ARHGEF28: variants seen among roughly 807,000 people sequenced by gnomAD.
ARHGEF28 encodes the protein Rho guanine nucleotide exchange factor 28, also known as 190 kDa guanine nucleotide exchange factor.
Under a neutral mutation model 206.6 loss-of-function variants are expected in ARHGEF28, and 152 were observed. That is an observed-to-expected ratio of 0.74 (90% CI 0.64 to 0.84). The LOEUF (loss-of-function observed/expected upper bound fraction) is 0.84. Ranked by LOEUF, ARHGEF28 falls within the 40% of genes least tolerant of loss-of-function variation. ARHGEF28 has a pLI of 0.00. For missense variants in ARHGEF28, 2,028 were observed against 2,073.2 expected (o/e 0.98, Z 0.42); for synonymous variants, 763 against 776.4 (o/e 0.98, Z 0.29).
intron 1 of ARHGEF28, among the ~76,000 whole-genome samples, chr5:73,639,977 T>A (rs1228385111): frequency 6.6e-6 from 1 of 152,212 alleles, no homozygotes; most frequent in Non-Finnish European, 1.5e-5. Flanking sequence ...TTTATATTCT[T>A]AACGCAGATG....
At position 73,940,911 on chromosome 5, in the gene ARHGEF28, G is replaced by A. The variant is rs1328025315; in HGVS notation, c.5016G>A (p.Gln1672=). 6.5e-6 allele frequency: 10 copies of A among 1,534,602 alleles called. No homozygotes were observed. The highest frequency in any genetic ancestry group is 8.7e-6 in the Non-Finnish European group (10 of 1,146,604). The change falls in exon 36 of 36, where the codon CAG becomes CAA. Residue 1672 remains glutamine (Q), a synonymous_variant. Transcript: ENST00000513042. ...CAAATTCACACCGCCCTCAACTGCA[G>A]GCGTTTATAACAGAAGCAAAGCTAA... ...HDSNSHRPQL[Q]AFITEAKLNL... is the part of the protein sequence containing the mutation.
intron 35 of ARHGEF28, among the ~76,000 whole-genome samples, chr5:73,917,348 T>C (rs1213767728): frequency 1.3e-5 from 2 of 152,246 alleles, no homozygotes; most frequent in Non-Finnish European, 2.9e-5. Context: ...CTCTTGGTAA[T>C]CTATATCATG....
chr5:73,729,641 G>C (rs1750486775), intron 2 of ARHGEF28, among the ~76,000 whole-genome samples: 1 of 152,130 alleles, frequency 6.6e-6, no homozygotes, highest in African/African-American at 2.4e-5. Flanking sequence ...GATTTCTCAA[G>C]TTTATTTAGT....
chr5:73,676,068 T>G (rs1266929116), intron 1 of ARHGEF28, among the ~76,000 whole-genome samples: 1 of 109,456 alleles, frequency 9.1e-6, no homozygotes, highest in East Asian at 3.0e-4. Context: ...GATTTTCTTT[T>G]CTTTTTTTTT....
chr5:73,794,366 C>T (rs1389758996), intron 7 of ARHGEF28, 36 bp from the exon 8 acceptor site: 11 of 1,535,586 alleles, frequency 7.2e-6, no homozygotes, highest in Non-Finnish European at 9.8e-6. Context: ...AACAAAAGCT[C>T]CCATCAGCAG....
Position 73,887,654 on chromosome 5 carries a change from A to G in ARHGEF28, c.3362A>G (p.Asp1121Gly). 1.3e-6 allele frequency: 2 copies of G among 1,573,824 alleles called. No homozygotes were observed. Among genetic ancestry groups the G allele is most frequent in the Non-Finnish European group, 1.7e-6 (2 of 1,157,910 alleles). ...TDVLLFLQEK[D>G]QKYIFAAVDQ... ...GTGCTGCTCTTTTTACAAGAAAAAG[A>G]CCAGAAATACATCTTTGCAGCCGTT... The change falls in exon 26 of 36, where the codon GAC becomes GGC. Residue 1121 changes from aspartate (D) to glycine (G), a missense_variant. Transcript: ENST00000513042.
intron 30 of ARHGEF28, chr5:73,900,969 A>G: frequency 2.2e-6 from 1 of 457,600 alleles, no homozygotes; most frequent in Non-Finnish European, 4.0e-6. Flanking sequence ...GCGGTTCGTC[A>G]GTTGCTGTCT....
intron 1 of ARHGEF28, among the ~76,000 whole-genome samples, chr5:73,643,427 C>T (rs1744244557): frequency 6.6e-6 from 1 of 151,898 alleles, no homozygotes; most frequent in African/African-American, 2.4e-5. Flanking sequence ...TTAGTGGTTG[C>T]CTTCATTATA....
chr5:73,809,257 A>G (rs796907130), intron 9 of ARHGEF28, among the ~76,000 whole-genome samples: 19 of 152,226 alleles, frequency 1.2e-4, no homozygotes, highest in African/African-American at 4.1e-4. Flanking sequence ...CAGAAGAATA[A>G]TATATGAAAG....
At chr5:73,772,632 G>T (rs1053394680) in intron 4 of ARHGEF28, among the ~76,000 whole-genome samples, 21 of 152,294 alleles carry the variant, frequency 1.4e-4, no homozygotes, top group South Asian at 4.1e-4. Context: ...TCCCGCGTTG[G>T]CCTCCCAAAG....
chr5:73,865,678 G>A (rs1181731792), intron 17 of ARHGEF28, among the ~76,000 whole-genome samples: 1 of 152,116 alleles, frequency 6.6e-6, no homozygotes, highest in African/African-American at 2.4e-5. Context: ...GCCTGGGTCT[G>A]GACACATGAG....
intron 7 of ARHGEF28, among the ~76,000 whole-genome samples, chr5:73,781,593 A>C (rs776837199): frequency 1.3e-5 from 2 of 152,142 alleles, no homozygotes; most frequent in Non-Finnish European, 1.5e-5. Context: ...AGAAGTTTTC[A>C]TTCTAGGAAG....
At chr5:73,881,058 G>A (rs2931410) in intron 22 of ARHGEF28, among the ~76,000 whole-genome samples, 89,083 of 149,264 alleles carry the variant, frequency 0.6, 27,114 homozygotes, top group African/African-American at 0.71. Context: ...TTTTGTCTAT[G>A]GCTGTCCAAT....
chr5:73,919,895 G>A (rs904046082), intron 35 of ARHGEF28, among the ~76,000 whole-genome samples: 3 of 152,190 alleles, frequency 2.0e-5, no homozygotes, highest in East Asian at 1.9e-4. Context: ...TTTATGTAAT[G>A]TCTGTCCCAC....
intron 35 of ARHGEF28, among the ~76,000 whole-genome samples, chr5:73,937,059 A>G (rs1197952606): frequency 6.6e-6 from 1 of 152,230 alleles, no homozygotes; most frequent in Non-Finnish European, 1.5e-5. Flanking sequence ...GTGAAAAATG[A>G]TAAATGCAAG....
chr5:73,880,230 C>T (rs538598436), intron 22 of ARHGEF28, among the ~76,000 whole-genome samples: 25 of 152,318 alleles, frequency 1.6e-4, no homozygotes, highest in Admixed American at 7.8e-4. Context: ...ACCCTCCGAG[C>T]CAGGTGTGGG....
Position 73,806,389 on chromosome 5 carries a change from G to T in ARHGEF28, c.1024+10998G>T, listed in dbSNP as rs199889079. Among the ~76,000 whole-genome samples the T allele has an allele frequency of 5.1e-4, 37 of 71,862 alleles. 2 individuals are homozygous for T. The highest frequency in any genetic ancestry group is 9.1e-4 in the East Asian group (2 of 2,190). 47.1% of individuals were successfully genotyped at this position (71,862 alleles called of 152,430 possible). A position where few individuals can be genotyped will look rare whatever the true frequency, so the allele number is the denominator to read the frequency against. ...TATATATACTATATATAGATATATA[G>T]ATATATATACATATATAGATATATA... On this transcript the variant is annotated intron_variant, in intron 9 of 35. Transcript: ENST00000513042.
intron 2 of ARHGEF28, among the ~76,000 whole-genome samples, chr5:73,727,550 T>C (rs769691257): frequency 2.6e-4 from 40 of 152,326 alleles, no homozygotes; most frequent in Non-Finnish European, 5.1e-4. Flanking sequence ...ACAGTTCTAC[T>C]TGCTATAAAA....
At chr5:73,654,733 T>G (rs1468137856) in intron 1 of ARHGEF28, among the ~76,000 whole-genome samples, 1 of 152,238 alleles carries the variant, frequency 6.6e-6, no homozygotes, top group African/African-American at 2.4e-5. Flanking sequence ...GTCATCTCTT[T>G]CATCCAGATA....
Sources: allele counts gnomAD v4.1 joint callset (sites outside exome capture counted in the v4.1 genomes callset), GRCh38; gene constraint gnomAD v4.1.1; transcripts MANE v1.5; gene names NCBI Gene and HGNC (gene_info 2026-07-23, HGNC 2026-07-21).